The following RNLS variants were observed in gnomAD, a reference collection of about 807,000 sequenced individuals.
RNLS encodes the protein renalase, FAD dependent amine oxidase, also known as renalase.
In RNLS, 39 loss-of-function variants were observed where a neutral mutation model predicts 39.8. That is an observed-to-expected ratio of 0.98 (90% CI 0.76 to 1.28). The LOEUF is 1.28. Among genes scored for constraint, RNLS ranks in the 50% most tolerant of loss-of-function variants. RNLS has a pLI of 0.00. For missense variants in RNLS, 410 were observed against 413.3 expected, an observed-to-expected ratio of 0.99 and a Z score of 0.07; for synonymous variants, 147 against 150.7, an observed-to-expected ratio of 0.98 and a Z score of 0.18.
At chr10:88,294,741 T>C (rs1468274315) in intron 6 of RNLS, among the ~76,000 whole-genome samples, 2 of 152,172 alleles carry the variant, frequency 1.3e-5, no homozygotes, top group Non-Finnish European at 2.9e-5. Context: ...TACTCCACTG[T>C]ATATGACTGG....
rs1396208550 is a variant in RNLS, at chr10:88,310,185, CCT to C, written c.876+4279_876+4280del. 2.0e-5 allele frequency among the ~76,000 whole-genome samples: 3 copies of C among 152,266 alleles called. No individual in the cohort carries two copies. The East Asian group carries it at 5.8e-4, about 29-fold the overall frequency. On this transcript the variant is annotated intron_variant, in intron 6 of 6. Coordinates refer to ENST00000331772, the MANE Select transcript of RNLS (RefSeq NM_001031709.3). ...TGAGGTCATAACCACTGCACTCCAG[CCT>C]GGGTGATAAAGCGAGACCCTGTCTC...
chr10:88,307,026 T>G (rs1844969824), intron 6 of RNLS, among the ~76,000 whole-genome samples: 1 of 152,124 alleles, frequency 6.6e-6, no homozygotes, highest in East Asian at 1.9e-4. Flanking sequence ...CATATGCAAA[T>G]CAATAAATAT....
intron 6 of RNLS, among the ~76,000 whole-genome samples, chr10:88,310,095 T>TA (rs1253957186): frequency 2.0e-5 from 3 of 152,090 alleles, no homozygotes; most frequent in Non-Finnish European, 4.4e-5. Flanking sequence ...AGTGTGCCTG[T>TA]AGCCCCAGCT....
the RNLS span, among the ~76,000 whole-genome samples, chr10:88,263,014 A>G: frequency 6.6e-6 from 1 of 152,334 alleles, no homozygotes; most frequent in South Asian, 2.1e-4. Context: ...TTAGGGCCTC[A>G]GTTTTCTCAT....
intron 6 of RNLS, among the ~76,000 whole-genome samples, chr10:88,297,562 T>A (rs1844180611): frequency 1.3e-5 from 2 of 152,360 alleles, no homozygotes; most frequent in South Asian, 4.1e-4. Context: ...TTGCCTATAC[T>A]GCATGTTTCA....
intron 4 of RNLS, among the ~76,000 whole-genome samples, chr10:88,495,104 AAATC>A (rs1845091300): frequency 2.0e-5 from 3 of 152,272 alleles, no homozygotes; most frequent in South Asian, 2.1e-4. Context: ...TGATGACAGC[AAATC>A]CTATTTCCAT....
the RNLS span, among the ~76,000 whole-genome samples, chr10:88,254,853 T>C: frequency 7.9e-5 from 12 of 152,340 alleles, no homozygotes; most frequent in South Asian, 1.7e-3. Flanking sequence ...CTATTCCCTA[T>C]GTGGACTCTC....
chr10:88,264,744 T>A, the RNLS span, among the ~76,000 whole-genome samples: 1 of 152,258 alleles, frequency 6.6e-6, no homozygotes, highest in Non-Finnish European at 1.5e-5. Context: ...TAGGCCTTGG[T>A]TGGATGTACA....
At chr10:88,381,762 A>ACTT (rs921067663) in intron 4 of RNLS, among the ~76,000 whole-genome samples, 3 of 152,088 alleles carry the variant, frequency 2.0e-5, no homozygotes, top group Non-Finnish European at 4.4e-5. Flanking sequence ...TCTGAAATCT[A>ACTT]CTTTATACTT....
At chr10:88,441,513 A>C (rs1407980880) in intron 4 of RNLS, among the ~76,000 whole-genome samples, 1 of 152,082 alleles carries the variant, frequency 6.6e-6, no homozygotes. Flanking sequence ...TTCAGTGCTG[A>C]CCTCTCTATA....
At chr10:88,315,704 C>A (rs1244075699) in intron 5 of RNLS, among the ~76,000 whole-genome samples, 1 of 148,986 alleles carries the variant, frequency 6.7e-6, no homozygotes, top group South Asian at 2.1e-4. Context: ...GCCACTTACT[C>A]ACTATGTGCC....
intron 4 of RNLS, among the ~76,000 whole-genome samples, chr10:88,462,521 T>C (rs1160882906): frequency 1.3e-5 from 2 of 151,966 alleles, no homozygotes; most frequent in Non-Finnish European, 2.9e-5. Context: ...CTCTACCAGG[T>C]ACTAGGAAAA....
chr10:88,573,897 T>A (rs370160081), intron 3 of RNLS, among the ~76,000 whole-genome samples: 6 of 152,136 alleles, frequency 3.9e-5, no homozygotes, highest in African/African-American at 1.4e-4. Flanking sequence ...TCCCAGCACT[T>A]TGGGAGGCTG....
the RNLS span, among the ~76,000 whole-genome samples, chr10:88,257,953 A>T: frequency 6.6e-6 from 1 of 152,280 alleles, no homozygotes; most frequent in East Asian, 1.9e-4. Context: ...CTTTACTTAA[A>T]AAAAAATCCA....
chr10:88,530,601 C>T (rs1847365907), intron 4 of RNLS, among the ~76,000 whole-genome samples: 1 of 152,092 alleles, frequency 6.6e-6, no homozygotes, highest in East Asian at 1.9e-4. Flanking sequence ...AAAGAAAATG[C>T]TATTTGTTTA....
At chr10:88,504,986 A>C (rs982467951) in intron 4 of RNLS, among the ~76,000 whole-genome samples, 1 of 151,816 alleles carries the variant, frequency 6.6e-6, no homozygotes, top group Non-Finnish European at 1.5e-5. Context: ...CTGCATTTGA[A>C]CTGGAGTTTG....
At chr10:88,222,800 C>A in the RNLS span, among the ~76,000 whole-genome samples, 27 of 152,254 alleles carry the variant, frequency 1.8e-4, no homozygotes, top group Admixed American at 1.5e-3. Context: ...AGAGTTAGTA[C>A]AAAGGGTTTG....
At chr10:88,445,257 C>T (rs1047981651) in intron 4 of RNLS, among the ~76,000 whole-genome samples, 2 of 152,178 alleles carry the variant, frequency 1.3e-5, no homozygotes, top group East Asian at 3.9e-4. Flanking sequence ...CCTTTACAGA[C>T]AACCAAATGC....
At chr10:88,193,139 A>G in the RNLS span, among the ~76,000 whole-genome samples, 1 of 152,072 alleles carries the variant, frequency 6.6e-6, no homozygotes, top group African/African-American at 2.4e-5. Flanking sequence ...CACATCTCTT[A>G]CCTGTCACCC....
Sources: allele counts gnomAD v4.1 joint callset (sites outside exome capture counted in the v4.1 genomes callset), GRCh38; gene constraint gnomAD v4.1.1; transcripts MANE v1.5; gene names NCBI Gene and HGNC (gene_info 2026-07-23, HGNC 2026-07-21).